FGD5: variants seen among roughly 807,000 people sequenced by gnomAD.
FGD5 encodes the protein FYVE, RhoGEF and PH domain containing 5.
A neutral mutation model predicts 133.4 loss-of-function variants in FGD5; 28 were observed. The observed-to-expected ratio is 0.21, with a 90% CI of 0.16 to 0.29. The LOEUF (loss-of-function observed/expected upper bound fraction) is 0.29. Ranked by LOEUF, FGD5 falls within the 10% of genes least tolerant of loss-of-function variation. FGD5 has a pLI of 1.00. For missense variants in FGD5, 1,858 were observed against 1,895.2 expected (o/e 0.98, Z 0.36); for synonymous variants, 810 against 776.5 (o/e 1.04, Z -0.72).
At chr3:14,910,826 A>T (rs2038433802) in intron 10 of FGD5, 35 bp from the exon 11 acceptor site, 1 of 1,602,212 alleles carries the variant, frequency 6.2e-7, no homozygotes, top group South Asian at 1.1e-5. Flanking sequence ...AGGGGGCATC[A>T]GCCTGACCGC....
intron 4 of FGD5, among the ~76,000 whole-genome samples, chr3:14,887,343 A>C (rs370285547): frequency 1.3e-5 from 2 of 152,050 alleles, no homozygotes; most frequent in African/African-American, 4.8e-5. Flanking sequence ...GTGATGGTGG[A>C]GCAAGTTCTC....
intron 4 of FGD5, among the ~76,000 whole-genome samples, chr3:14,889,360 T>TA (rs1041795213): frequency 1.3e-4 from 20 of 152,220 alleles, no homozygotes; most frequent in African/African-American, 4.8e-4. Context: ...TAGGTACTGT[T>TA]ACGTGTCTGG....
chr3:14,820,239 G>A lies in FGD5; in HGVS notation c.1168G>A (p.Val390Met), dbSNP rs760911518. Residue 390 changes from valine to methionine, a missense_variant, in exon 1 of 20, where the codon GTG becomes ATG. By Grantham distance (21) the Val-to-Met change is conservative (BLOSUM62 1). Transcript: ENST00000285046. ...LGLRAEENPMVGALCGQCGSL... is the reference protein window; with the variant it reads ...LGLRAEENPMMGALCGQCGSL... ...GCTGCGTGCGGAGGAGAACCCCATG[G>A]TGGGGGCTTTGTGTGGCCAGTGTGG... is the stretch of plus-strand genomic sequence containing the variant. 10 of 1,605,830 alleles carry A rather than the reference G, an allele frequency of 6.2e-6. No individual in the cohort carries two copies. Among genetic ancestry groups the A allele is most frequent in the Non-Finnish European group, 7.7e-6 (9 of 1,175,208 alleles).
At chr3:14,855,632 A>G (rs1369850227) in intron 1 of FGD5, among the ~76,000 whole-genome samples, 2 of 150,014 alleles carry the variant, frequency 1.3e-5, no homozygotes, top group Non-Finnish European at 3.0e-5. Flanking sequence ...TTAAAAATAT[A>G]CTTGTTGGCC....
At chr3:14,843,946 C>T (rs531582038) in intron 1 of FGD5, among the ~76,000 whole-genome samples, 28 of 151,348 alleles carry the variant, frequency 1.9e-4, no homozygotes, top group African/African-American at 6.3e-4. Flanking sequence ...CTGCTCGCCT[C>T]GGCCTCCCAA....
intron 12 of FGD5, among the ~76,000 whole-genome samples, chr3:14,918,333 C>T (rs2038601110): frequency 6.6e-6 from 1 of 152,218 alleles, no homozygotes; most frequent in Admixed American, 6.5e-5. Context: ...ACTGTGCAAT[C>T]TCTCTTGATC....
chr3:14,899,039 CT>C (rs1297026541), intron 7 of FGD5, among the ~76,000 whole-genome samples: 11 of 152,116 alleles, frequency 7.2e-5, no homozygotes, highest in South Asian at 2.1e-4. Flanking sequence ...GTGGCCACCC[CT>C]GATCCTAAAA....
At chr3:14,866,910 G>A (rs1227975820) in intron 2 of FGD5, among the ~76,000 whole-genome samples, 1 of 151,958 alleles carries the variant, frequency 6.6e-6, no homozygotes. Flanking sequence ...GCATCCATCC[G>A]GTCATCCCAA....
At chr3:14,925,484 C>T (rs1172280638) in intron 17 of FGD5, among the ~76,000 whole-genome samples, 2 of 152,070 alleles carry the variant, frequency 1.3e-5, no homozygotes, top group African/African-American at 4.8e-5. Context: ...CATCATTAAC[C>T]ACCTAGTAAT....
At chr3:14,898,215 A>G in intron 6 of FGD5, 120 bp downstream of exon 6, 1 of 1,311,000 alleles carries the variant, frequency 7.6e-7, no homozygotes, top group Non-Finnish European at 1.1e-6. Context: ...CAGACAGGGA[A>G]GACCTGGCCA....
chr3:14,924,542 C>A (rs974332408), intron 17 of FGD5, among the ~76,000 whole-genome samples: 1 of 152,136 alleles, frequency 6.6e-6, no homozygotes, highest in Non-Finnish European at 1.5e-5. Context: ...CCATGGGCTC[C>A]GCAGGAAACT....
Position 14,819,953 on chromosome 3 carries a change from T to G in FGD5, c.882T>G (p.Ser294Arg). ...GVTGGEQVDL[S>R]EPPDHEKKTN... ...CAGGTGGGGAACAGGTTGACCTCAGTGAACCACCTGACCACGAGAAGAAAA... is the reference window on the plus strand; with the variant it reads ...CAGGTGGGGAACAGGTTGACCTCAGGGAACCACCTGACCACGAGAAGAAAA... The change falls in exon 1 of 20, where the codon AGT (serine) becomes AGG (arginine). Residue 294 changes from serine (S) to arginine (R), a missense_variant. Around this residue, in one of 3 missense-constraint regions of FGD5, gnomAD observed 1,824 missense variants for 1,848.9 expected, o/e 0.99. Coordinates refer to ENST00000285046, the MANE Select transcript of FGD5 (RefSeq NM_152536.4). The surrounding 1 kb of genome is among the most constrained non-coding windows in gnomAD (Gnocchi z 4.1). 6.2e-7 allele frequency: 1 copy of G among 1,613,862 alleles called. No individual in the cohort carries two copies. The highest frequency in any genetic ancestry group is 1.1e-5 in the South Asian group (1 of 91,066).
Position 14,829,333 on chromosome 3 carries a change from G to A in FGD5, c.2525+7737G>A, listed in dbSNP as rs936920061. On this transcript the variant is annotated intron_variant, in intron 1 of 19. Transcript: ENST00000285046. ...TAGTGATTTTCAGCAGGGGAACGCC[G>A]TCGTGTGGGTGGTGCATTGCATGGA... Among the ~76,000 whole-genome samples the A allele has an allele frequency of 1.3e-4, 20 of 152,292 alleles. No individual in the cohort carries two copies. In the Middle Eastern group the frequency reaches 0.01, roughly 78 times the overall value.
chr3:14,909,851 C>T (rs1182403490), intron 10 of FGD5, among the ~76,000 whole-genome samples: 3 of 151,328 alleles, frequency 2.0e-5, no homozygotes, highest in African/African-American at 2.4e-5. Flanking sequence ...CTGCAACCTC[C>T]GCCTCCTGGG....
chr3:14,927,852 CT>C (rs1348088709), intron 18 of FGD5, among the ~76,000 whole-genome samples: 1 of 152,028 alleles, frequency 6.6e-6, no homozygotes, highest in African/African-American at 2.4e-5. Flanking sequence ...CAGCTTTGAA[CT>C]CCTGGACTCA....
chr3:14,826,496 A>G (rs535907119), intron 1 of FGD5, among the ~76,000 whole-genome samples: 8 of 152,310 alleles, frequency 5.3e-5, no homozygotes, highest in South Asian at 2.1e-4. Context: ...CTTATTGTCT[A>G]TGTGACCTAG....
rs1381365565 is a variant in FGD5, at chr3:14,922,603, C to T, written c.3807+55C>T. ...GCATGGGGGTGGGGTGGGGGAAGGG[C>T]ATGTCCCTGCCCAGCCGGGGGCTCA... On this transcript the variant is annotated intron_variant, in intron 15 of 19. Coordinates refer to ENST00000285046, the MANE Select transcript of FGD5 (RefSeq NM_152536.4). This position sits in a 1 kb window ranked among gnomAD's most constrained non-coding sequence, Gnocchi z 4.1. The T allele has an allele frequency of 1.3e-6, 2 of 1,488,606 alleles. No individual in the cohort carries two copies. The highest frequency in any genetic ancestry group is 1.8e-6 in the Non-Finnish European group (2 of 1,102,384). 92.2% of individuals were successfully genotyped at this position (1,488,606 alleles called of 1,614,324 possible). A position where few individuals can be genotyped will look rare whatever the true frequency, so the allele number is the denominator to read the frequency against.
intron 9 of FGD5, 41 bp downstream of exon 9, chr3:14,901,102 C>T: frequency 6.2e-7 from 1 of 1,603,966 alleles, no homozygotes; most frequent in Admixed American, 1.7e-5. Context: ...GACACAGGTT[C>T]CAGGCACCTC....
upstream of FGD5, among the ~76,000 whole-genome samples, chr3:14,814,928 G>T (rs984580642): frequency 2.0e-5 from 3 of 152,092 alleles, no homozygotes; most frequent in Non-Finnish European, 4.4e-5. Flanking sequence ...CATATGGTCA[G>T]CAGATCCCCT....
Sources: gnomAD v4.1 joint callset for allele counts (sites outside exome capture counted in the v4.1 genomes callset) on GRCh38, gnomAD v4.1.1 for gene constraint, gnomAD v4.1.1 regional missense constraint, Gnocchi (gnomAD v3.1) non-coding constraint, MANE v1.5 for transcripts, NCBI Gene and HGNC (gene_info 2026-07-23, HGNC 2026-07-21) for gene names.